Variants in LEKR1 observed in about 807,000 individuals in gnomAD.
LEKR1 encodes the protein leucine, glutamate and lysine rich 1.
LEKR1 carries 59 observed loss-of-function variants against 72.4 expected under a neutral mutation model. The ratio of observed to expected loss-of-function variants is 0.82; its 90% CI spans 0.66 to 1.01. LEKR1 has a LOEUF of 1.01. Among genes scored for constraint, LEKR1 ranks in the 50% least tolerant of loss-of-function variants. The pLI is 0.00. For missense variants in LEKR1, 728 were observed against 759.2 expected (o/e 0.96, Z 0.48); for synonymous variants, 257 against 263.2 (o/e 0.98, Z 0.23).
intron 3 of LEKR1, among the ~76,000 whole-genome samples, chr3:156,892,727 G>C (rs1181276643): frequency 6.6e-6 from 1 of 152,112 alleles, no homozygotes; most frequent in African/African-American, 2.4e-5. Context: ...AAAATTTTGT[G>C]CATACCTGTT....
intron 2 of LEKR1, among the ~76,000 whole-genome samples, chr3:156,837,675 A>G (rs534549742): frequency 1.5e-4 from 23 of 152,338 alleles, no homozygotes; most frequent in African/African-American, 4.8e-4. Context: ...CATAGCACAA[A>G]GTGCACTAGA....
In LEKR1 at chr3:156,916,343, T is replaced by G. The variant is rs554948845; in HGVS notation, c.264-4232T>G. On this transcript the variant is annotated intron_variant, in intron 3 of 12. Coordinates refer to ENST00000356539, the MANE Select transcript of LEKR1 (RefSeq NM_001004316.3). Reference sequence around the variant, plus strand: ...GAATAGTATTGAATCTCTAAATTGCTTTGGGTGGTATGGACATTTTAATGA... The same window carrying G: ...GAATAGTATTGAATCTCTAAATTGCGTTGGGTGGTATGGACATTTTAATGA... Among the ~76,000 whole-genome samples the G allele has an allele frequency of 5.3e-5, 8 of 152,240 alleles. 1 individual carries two copies. The South Asian group carries it at 1.7e-3, about 32-fold the overall frequency.
At chr3:157,020,978 G>A (rs1359288283) in intron 10 of LEKR1, among the ~76,000 whole-genome samples, 1 of 151,172 alleles carries the variant, frequency 6.6e-6, no homozygotes, top group East Asian at 1.9e-4. Flanking sequence ...ATTCTAACTG[G>A]TGGGAGATGG....
chr3:156,854,204 C>G lies in LEKR1; in HGVS notation c.263+1222C>G, dbSNP rs1054582206. Among the ~76,000 whole-genome samples the G allele has an allele frequency of 2.4e-5, 3 of 126,706 alleles. No homozygotes were observed. In the East Asian group the frequency reaches 7.0e-4, roughly 30 times the overall value. The allele number at this position is 126,706 out of a possible 152,430, so 83.1% of individuals were successfully genotyped here. A position where few individuals can be genotyped will look rare whatever the true frequency, so the allele number is the denominator to read the frequency against. On this transcript the variant is annotated intron_variant, in intron 3 of 12. Transcript: ENST00000356539. ...TGTCACCAAGGCTGGAGTGCAGTGTCGTGATCTCAGCTCACTGCAGCCTCT... is the reference window on the plus strand; with the variant it reads ...TGTCACCAAGGCTGGAGTGCAGTGTGGTGATCTCAGCTCACTGCAGCCTCT...
chr3:156,855,792 A>G (rs1715985928), intron 3 of LEKR1, among the ~76,000 whole-genome samples: 1 of 152,190 alleles, frequency 6.6e-6, no homozygotes, highest in Admixed American at 6.5e-5. Flanking sequence ...GAAATGGACT[A>G]GAAACAGAGC....
intron 3 of LEKR1, among the ~76,000 whole-genome samples, chr3:156,912,714 T>C (rs1291195359): frequency 6.6e-6 from 1 of 152,216 alleles, no homozygotes; most frequent in East Asian, 1.9e-4. Context: ...TGGCAGACTT[T>C]CATGAGGTTC....
At chr3:156,864,128 A>G (rs974901748) in intron 3 of LEKR1, among the ~76,000 whole-genome samples, 2 of 152,060 alleles carry the variant, frequency 1.3e-5, no homozygotes, top group Admixed American at 6.6e-5. Flanking sequence ...TGTACTTCTC[A>G]TTGTCCAACT....
At chr3:156,987,062 G>C (rs964802350) in intron 7 of LEKR1, among the ~76,000 whole-genome samples, 86 of 151,928 alleles carry the variant, frequency 5.7e-4, no homozygotes, top group African/African-American at 2.1e-3. Context: ...GTATTGTATT[G>C]TATTGTATTG....
At chr3:157,030,741 A>G (rs182855719) in intron 12 of LEKR1, among the ~76,000 whole-genome samples, 34 of 152,258 alleles carry the variant, frequency 2.2e-4, no homozygotes, top group Admixed American at 1.4e-3. Flanking sequence ...CAGGGTATCC[A>G]CTGGGCTGCA....
intron 11 of LEKR1, among the ~76,000 whole-genome samples, chr3:157,026,524 C>T (rs1734202656): frequency 6.6e-6 from 1 of 152,176 alleles, no homozygotes; most frequent in East Asian, 1.9e-4. Context: ...AACCACTGTG[C>T]AGACCTGACA....
At chr3:157,006,407 A>G (rs983213008) in intron 9 of LEKR1, among the ~76,000 whole-genome samples, 1 of 152,258 alleles carries the variant, frequency 6.6e-6, no homozygotes, top group African/African-American at 2.4e-5. Context: ...ACTGGTAGGC[A>G]TGTCAAATAG....
intron 4 of LEKR1, among the ~76,000 whole-genome samples, chr3:156,922,557 C>A (rs1724309253): frequency 6.6e-6 from 1 of 152,136 alleles, no homozygotes; most frequent in African/African-American, 2.4e-5. Flanking sequence ...TTTCTTCTCT[C>A]TTTTGTTTAA....
At chr3:156,992,605 T>C (rs1031097289) in intron 7 of LEKR1, 48 bp from the exon 8 acceptor site, 9 of 354,004 alleles carry the variant, frequency 2.5e-5, no homozygotes, top group Non-Finnish European at 3.8e-5. Flanking sequence ...GAAAAACATA[T>C]ACTTTATTTT....
intron 5 of LEKR1, among the ~76,000 whole-genome samples, chr3:156,931,799 T>C (rs953882943): frequency 1.3e-5 from 2 of 152,112 alleles, no homozygotes; most frequent in Non-Finnish European, 2.9e-5. Context: ...GCAAAACTAA[T>C]CTACACTGGG....
At chr3:156,855,695 G>A (rs745931026) in intron 3 of LEKR1, among the ~76,000 whole-genome samples, 2 of 152,044 alleles carry the variant, frequency 1.3e-5, no homozygotes, top group East Asian at 1.9e-4. Flanking sequence ...TATCTGACAC[G>A]AACCTAAACA....
chr3:156,907,491 A>T (rs892356255), intron 3 of LEKR1, among the ~76,000 whole-genome samples: 2 of 152,074 alleles, frequency 1.3e-5, no homozygotes, highest in Non-Finnish European at 2.9e-5. Flanking sequence ...TTATTGGCAT[A>T]TACTGACCAT....
chr3:156,933,873 C>A (rs1051404062), intron 5 of LEKR1, among the ~76,000 whole-genome samples: 1 of 152,066 alleles, frequency 6.6e-6, no homozygotes, highest in Non-Finnish European at 1.5e-5. Context: ...GAGGAACAAC[C>A]CTCCTCCCTT....
intron 3 of LEKR1, 74 bp downstream of exon 3, chr3:156,853,056 T>A: frequency 9.8e-7 from 1 of 1,024,866 alleles, no homozygotes; most frequent in Non-Finnish European, 1.4e-6. Flanking sequence ...ACTTTGAATG[T>A]TTTTCTAAAA....
Position 156,979,202 on chromosome 3 carries a change from T to C in LEKR1, c.754T>C (p.Cys252Arg). The C allele has an allele frequency of 7.9e-7, 1 of 1,272,846 alleles. No individual in the cohort carries two copies. The highest frequency in any genetic ancestry group is 1.0e-6 in the Non-Finnish European group (1 of 972,372). The allele number at this position is 1,272,846 out of a possible 1,614,324, so 78.8% of individuals were successfully genotyped here. A position where few individuals can be genotyped will look rare whatever the true frequency, so the allele number is the denominator to read the frequency against. Reference protein sequence around the residue: ...DLQKEVLDLQCLVEALGLKLQ... With the variant: ...DLQKEVLDLQRLVEALGLKLQ... ...ACATTGTGTCATTTCAGATTTACAA[T>C]GTCTAGTAGAGGCACTTGGATTAAA... Residue 252 changes from cysteine to arginine, a missense_variant, in exon 7 of 13, where the codon TGT becomes CGT. Physicochemically the swap from Cys to Arg is radical, Grantham distance 180. Coordinates refer to ENST00000356539, the MANE Select transcript of LEKR1 (RefSeq NM_001004316.3).
Sources: gnomAD v4.1 joint callset for allele counts (sites outside exome capture counted in the v4.1 genomes callset) on GRCh38, gnomAD v4.1.1 for gene constraint, MANE v1.5 for transcripts, NCBI Gene and HGNC (gene_info 2026-07-23, HGNC 2026-07-21) for gene names.